Variants in EFNA5 observed in about 807,000 individuals in gnomAD.
EFNA5 encodes ephrin A5, also known as ephrin-A5.
In EFNA5, 5 loss-of-function variants were observed where a neutral mutation model predicts 22.9. That is an observed-to-expected ratio of 0.22 (90% CI 0.11 to 0.46). The LOEUF (loss-of-function observed/expected upper bound fraction) is 0.46, where lower values mean the gene tolerates loss of function less well. Among genes scored for constraint, EFNA5 ranks in the 20% least tolerant of loss-of-function variants. The probability of loss-of-function intolerance (pLI) is 0.99; values close to 1 mark genes in which losing one functional copy is unlikely to be tolerated. For synonymous variants in EFNA5, 113 were observed against 112.2 expected (o/e 1.01, Z -0.04); for missense variants, 237 against 293.3 (o/e 0.81, Z 1.40).
At chr5:107,664,263 A>C (rs1197109631) in intron 1 of EFNA5, among the ~76,000 whole-genome samples, 1 of 152,192 alleles carries the variant, frequency 6.6e-6, no homozygotes, top group Non-Finnish European at 1.5e-5. Context: ...GATCATGCAA[A>C]ATAGTTGTAG....
intron 1 of EFNA5, among the ~76,000 whole-genome samples, chr5:107,574,590 T>A (rs1748887778): frequency 6.6e-6 from 1 of 152,202 alleles, no homozygotes; most frequent in Non-Finnish European, 1.5e-5. Flanking sequence ...GCCAATTCTG[T>A]TCCAAACTTC....
At chr5:107,420,838 G>C (rs1452131312) in intron 2 of EFNA5, among the ~76,000 whole-genome samples, 1 of 151,988 alleles carries the variant, frequency 6.6e-6, no homozygotes, top group Non-Finnish European at 1.5e-5. Context: ...ATTTTTCTTT[G>C]AAATATATAG....
chr5:107,512,488 T>C (rs948482554), intron 1 of EFNA5, among the ~76,000 whole-genome samples: 6 of 152,120 alleles, frequency 3.9e-5, no homozygotes, highest in African/African-American at 9.7e-5. Flanking sequence ...ACAGTTCTTG[T>C]AGGCCATCAT....
At chr5:107,465,145 G>A (rs1308805701) in intron 1 of EFNA5, among the ~76,000 whole-genome samples, 1 of 151,592 alleles carries the variant, frequency 6.6e-6, no homozygotes, top group Non-Finnish European at 1.5e-5. Context: ...TACCAACAGC[G>A]ACAGCAAAGC....
At chr5:107,511,506 A>T (rs6894749) in intron 1 of EFNA5, among the ~76,000 whole-genome samples, 48 of 152,208 alleles carry the variant, frequency 3.2e-4, no homozygotes, top group African/African-American at 1.1e-3. Flanking sequence ...AAATAAACTC[A>T]GTATTTTAAT....
At chr5:107,398,568 C>T (rs1431171142) in intron 2 of EFNA5, among the ~76,000 whole-genome samples, 2 of 152,008 alleles carry the variant, frequency 1.3e-5, no homozygotes, top group African/African-American at 4.8e-5. Flanking sequence ...CTGTCGAGGC[C>T]AGGCACAGTG....
At chr5:107,493,071 A>C (rs1746860862) in intron 1 of EFNA5, among the ~76,000 whole-genome samples, 1 of 152,088 alleles carries the variant, frequency 6.6e-6, no homozygotes, top group Non-Finnish European at 1.5e-5. Flanking sequence ...AAATGCTTAA[A>C]AATATATACA....
chr5:107,617,757 C>A (rs933000958), intron 1 of EFNA5, among the ~76,000 whole-genome samples: 1 of 152,082 alleles, frequency 6.6e-6, no homozygotes, highest in Admixed American at 6.6e-5. Context: ...TCTGTTGCGG[C>A]TAGAGTGAAA....
chr5:107,606,582 CAG>C (rs398050642), intron 1 of EFNA5, among the ~76,000 whole-genome samples: 3 of 143,502 alleles, frequency 2.1e-5, no homozygotes, highest in Non-Finnish European at 4.6e-5. Flanking sequence ...CACACACACA[CAG>C]AGCTAGTAAT....
rs147430023 is a variant in EFNA5, at chr5:107,379,029, A to G, written c.*2226T>C. Reference sequence around the variant, plus strand: ...AGTATTTCTGCATATGACTGAGAGTACTGCATATATAAATAGCTAAAGGAA... The same window carrying G: ...AGTATTTCTGCATATGACTGAGAGTGCTGCATATATAAATAGCTAAAGGAA... On this transcript the variant is annotated 3_prime_UTR_variant, in exon 5 of 5. Coordinates refer to ENST00000333274, the MANE Select transcript of EFNA5 (RefSeq NM_001962.3). 1 of 152,290 alleles carries G rather than the reference A, an allele frequency of 6.6e-6. No homozygotes were observed. Among genetic ancestry groups the G allele is most frequent in the East Asian group, 1.9e-4 (1 of 5,184 alleles). 9.4% of individuals were successfully genotyped at this position (152,290 alleles called of 1,614,324 possible).
chr5:107,637,604 G>A (rs1750404658), intron 1 of EFNA5, among the ~76,000 whole-genome samples: 1 of 149,646 alleles, frequency 6.7e-6, no homozygotes. Context: ...ATTTTTAGTT[G>A]AAATTTTTCA....
At chr5:107,426,119 G>A (rs1748804192) in intron 2 of EFNA5, among the ~76,000 whole-genome samples, 1 of 152,164 alleles carries the variant, frequency 6.6e-6, no homozygotes, top group Admixed American at 6.5e-5. Context: ...CCAGTGAAAG[G>A]TCACTCCCTA....
In EFNA5 at chr5:107,381,051, C is replaced by CGGGGGGGGG. The variant is rs1747441938; in HGVS notation, c.*203_*204insCCCCCCCCC. ...CCAAGGGCCAGGGCTGGGGGTGGGGCGGGGTGGGGTGAGGGAGGCAGGAAC... is the reference window on the plus strand; with the variant it reads ...CCAAGGGCCAGGGCTGGGGGTGGGGCGGGGGGGGGGGGGTGGGGTGAGGGAGGCAGGAAC... On this transcript the variant is annotated 3_prime_UTR_variant, in exon 5 of 5. Coordinates refer to ENST00000333274, the MANE Select transcript of EFNA5 (RefSeq NM_001962.3). 6.6e-6 allele frequency: 2 copies of CGGGGGGGGG among 303,010 alleles called. No homozygotes were observed. The highest frequency in any genetic ancestry group is 9.8e-6 in the Non-Finnish European group (2 of 205,016). The allele number at this position is 303,010 out of a possible 1,614,324, so 18.8% of individuals were successfully genotyped here. A position where few individuals can be genotyped will look rare whatever the true frequency, so the allele number is the denominator to read the frequency against.
At chr5:107,554,413 G>A (rs999594245) in intron 1 of EFNA5, among the ~76,000 whole-genome samples, 2 of 152,040 alleles carry the variant, frequency 1.3e-5, no homozygotes, top group Admixed American at 1.3e-4. Context: ...AATAAAAGAA[G>A]TATTACTGCT....
intron 1 of EFNA5, among the ~76,000 whole-genome samples, chr5:107,656,729 C>T (rs1356537021): frequency 6.6e-6 from 1 of 152,012 alleles, no homozygotes; most frequent in Non-Finnish European, 1.5e-5. Context: ...TAAATTTTCA[C>T]AAGTCTGAGG....
At chr5:107,559,380 T>C (rs566148450) in intron 1 of EFNA5, among the ~76,000 whole-genome samples, 29 of 152,324 alleles carry the variant, frequency 1.9e-4, no homozygotes, top group South Asian at 1.5e-3. Flanking sequence ...GTATATATAT[T>C]TGCAACCCTC....
At chr5:107,600,739 G>C (rs1286073466) in intron 1 of EFNA5, among the ~76,000 whole-genome samples, 1 of 151,914 alleles carries the variant, frequency 6.6e-6, no homozygotes, top group East Asian at 1.9e-4. Context: ...CCACCCGCCT[G>C]AGTCTCCCAA....
intron 4 of EFNA5, among the ~76,000 whole-genome samples, chr5:107,386,679 T>C (rs986639810): frequency 3.9e-5 from 6 of 152,172 alleles, no homozygotes; most frequent in Non-Finnish European, 8.8e-5. Context: ...GTGATTATAC[T>C]TCTCCAGACC....
In EFNA5 at chr5:107,380,932, G is replaced by A; in HGVS notation, c.*323C>T. On this transcript the variant is annotated 3_prime_UTR_variant, in exon 5 of 5. Coordinates refer to ENST00000333274, the MANE Select transcript of EFNA5 (RefSeq NM_001962.3). ...GCGCTAACGGAGGTGAGTTCTTAGA[G>A]GAGAATGCACAGGAGCTGACGAACC... is the stretch of plus-strand genomic sequence containing the variant. The A allele has an allele frequency of 2.2e-6, 1 of 447,900 alleles. No homozygotes were observed. 27.7% of individuals were successfully genotyped at this position (447,900 alleles called of 1,614,324 possible).
Sources: gnomAD v4.1 joint callset for allele counts (sites outside exome capture counted in the v4.1 genomes callset) on GRCh38, gnomAD v4.1.1 for gene constraint, MANE v1.5 for transcripts, NCBI Gene and HGNC (gene_info 2026-07-23, HGNC 2026-07-21) for gene names.